The following ELAPOR2 variants were observed in gnomAD, a reference collection of about 807,000 sequenced individuals.
ELAPOR2 encodes endosome-lysosome associated apoptosis and autophagy regulator family member 2.
ELAPOR2 carries 89 observed loss-of-function variants against 120.7 expected under a neutral mutation model. The ratio of observed to expected loss-of-function variants is 0.74; its 90% CI spans 0.62 to 0.88. The LOEUF (loss-of-function observed/expected upper bound fraction) is 0.88. ELAPOR2 is among the 40% of genes least tolerant of loss of function. ELAPOR2 has a pLI of 0.00. For missense variants in ELAPOR2, 1,134 were observed against 1,251.6 expected (o/e 0.91, Z 1.42); for synonymous variants, 444 against 444.9 (o/e 1.00, Z 0.03).
chr7:86,987,277 T>C (rs1171872433), intron 1 of ELAPOR2, among the ~76,000 whole-genome samples: 1 of 152,106 alleles, frequency 6.6e-6, no homozygotes, highest in Non-Finnish European at 1.5e-5. Context: ...ATTCAGGACA[T>C]AGGCATGGGA....
In ELAPOR2 at chr7:86,998,675, C is replaced by T. The variant is rs541501898; in HGVS notation, c.190-33651G>A. ...AAATGTCTTCAGACATGTCAAATGT[C>T]TGTGGAGCATCCTCCGAGTTGAGAC... On this transcript the variant is annotated intron_variant, in intron 1 of 21. Transcript: ENST00000450689. 2.0e-5 allele frequency among the ~76,000 whole-genome samples: 3 copies of T among 152,268 alleles called. No individual in the cohort carries two copies. In the South Asian group the frequency reaches 6.2e-4, roughly 32 times the overall value.
At chr7:87,003,164 A>T (rs967005133) in intron 1 of ELAPOR2, among the ~76,000 whole-genome samples, 1 of 152,154 alleles carries the variant, frequency 6.6e-6, no homozygotes, top group Admixed American at 6.5e-5. Flanking sequence ...AAGAAATAAG[A>T]TGTTAAAATA....
At chr7:86,982,899 G>T (rs1280003960) in intron 1 of ELAPOR2, among the ~76,000 whole-genome samples, 1 of 127,396 alleles carries the variant, frequency 7.8e-6, no homozygotes, top group Non-Finnish European at 1.6e-5. Context: ...CGAGCTAAAG[G>T]AGGATTTCAA....
At chr7:87,048,746 A>G (rs1471689498) in intron 1 of ELAPOR2, among the ~76,000 whole-genome samples, 1 of 152,204 alleles carries the variant, frequency 6.6e-6, no homozygotes, top group East Asian at 1.9e-4. Flanking sequence ...TACCACATAT[A>G]TATCTACTAT....
intron 1 of ELAPOR2, among the ~76,000 whole-genome samples, chr7:86,968,105 A>C (rs1791980498): frequency 6.6e-6 from 1 of 152,196 alleles, no homozygotes; most frequent in South Asian, 2.1e-4. Context: ...GTACAGTAAA[A>C]TTGCGAAAGG....
intron 1 of ELAPOR2, among the ~76,000 whole-genome samples, chr7:87,057,500 AT>A (rs1305243776): frequency 6.6e-6 from 1 of 152,198 alleles, no homozygotes; most frequent in Non-Finnish European, 1.5e-5. Context: ...GGCAGGCTCA[AT>A]AGCGTCCTCC....
chr7:86,964,952 C>T lies in ELAPOR2; in HGVS notation c.262G>A (p.Ala88Thr). 3.2e-6 allele frequency: 5 copies of T among 1,551,540 alleles called. No individual in the cohort carries two copies. Among genetic ancestry groups the T allele is most frequent in the Non-Finnish European group, 4.4e-6 (5 of 1,146,840 alleles). Reference protein sequence around the residue: ...SRWRVAIPNSAVDCSGLPDPV... With the variant: ...SRWRVAIPNSTVDCSGLPDPV... Reference sequence around the variant, plus strand: ...TCAGGCAGGCCAGAGCAGTCCACTGCAGAATTTGGAATGGCAACTCTCCAC... The same window carrying T: ...TCAGGCAGGCCAGAGCAGTCCACTGTAGAATTTGGAATGGCAACTCTCCAC... The change falls in exon 2 of 22, where the codon GCA becomes ACA. Residue 88 changes from alanine (A) to threonine (T), a missense_variant. Coordinates refer to ENST00000450689, the MANE Select transcript of ELAPOR2 (RefSeq NM_001142749.3).
At chr7:86,939,574 G>T (rs930555863) in intron 6 of ELAPOR2, among the ~76,000 whole-genome samples, 1 of 152,084 alleles carries the variant, frequency 6.6e-6, no homozygotes, top group Non-Finnish European at 1.5e-5. Flanking sequence ...AAATTACCCG[G>T]TTGGCTCAGA....
At chr7:87,023,548 G>A (rs139316935) in intron 1 of ELAPOR2, among the ~76,000 whole-genome samples, 12,244 of 152,154 alleles carry the variant, frequency 0.08, 557 homozygotes, top group East Asian at 0.12. Context: ...GGCAATGCGG[G>A]CTCTTTTTTG....
At chr7:87,046,331 G>A (rs1794956457) in intron 1 of ELAPOR2, among the ~76,000 whole-genome samples, 1 of 152,196 alleles carries the variant, frequency 6.6e-6, no homozygotes, top group Admixed American at 6.5e-5. Flanking sequence ...AATATTCCAT[G>A]TTTATGAATT....
At chr7:86,902,994 A>C (rs1788791767) in intron 18 of ELAPOR2, among the ~76,000 whole-genome samples, 1 of 152,162 alleles carries the variant, frequency 6.6e-6, no homozygotes, top group African/African-American at 2.4e-5. Context: ...GGTTTACAAA[A>C]TTCTATCATT....
At chr7:86,883,079 C>T (rs954084457) in intron 21 of ELAPOR2, among the ~76,000 whole-genome samples, 1 of 150,202 alleles carries the variant, frequency 6.7e-6, no homozygotes. Context: ...ATGTGTCCTC[C>T]CCTAATATTC....
chr7:87,052,134 C>A (rs1795119694), intron 1 of ELAPOR2, among the ~76,000 whole-genome samples: 1 of 152,172 alleles, frequency 6.6e-6, no homozygotes, highest in Non-Finnish European at 1.5e-5. Context: ...GGATTTCAGG[C>A]AACTAAACTG....
chr7:86,926,641 A>G, intron 9 of ELAPOR2, 95 bp downstream of exon 9: 6 of 1,246,592 alleles, frequency 4.8e-6, no homozygotes, highest in Non-Finnish European at 5.5e-6. Context: ...AAATTCTGTA[A>G]CCACTTTCCA....
chr7:86,894,863 T>C lies in ELAPOR2; in HGVS notation c.2686-1763A>G, dbSNP rs193157209. On this transcript the variant is annotated intron_variant, in intron 19 of 21. Transcript: ENST00000450689. Reference sequence around the variant, plus strand: ...CAAATCTTTAGTGCTGCATGACATATAGAAGTAATGCTTAATACACACTTA... The same window carrying C: ...CAAATCTTTAGTGCTGCATGACATACAGAAGTAATGCTTAATACACACTTA... Among the ~76,000 whole-genome samples the C allele has an allele frequency of 4.6e-5, 7 of 152,188 alleles. No homozygotes were observed. The East Asian group carries it at 9.7e-4, about 21-fold the overall frequency.
At chr7:86,984,609 C>A (rs1250630758) in intron 1 of ELAPOR2, among the ~76,000 whole-genome samples, 1 of 152,140 alleles carries the variant, frequency 6.6e-6, no homozygotes, top group Non-Finnish European at 1.5e-5. Flanking sequence ...ACAATGAAGG[C>A]AGAAATAAAG....
At chr7:86,938,754 C>G in intron 7 of ELAPOR2, 54 bp downstream of exon 7, 1 of 1,579,196 alleles carries the variant, frequency 6.3e-7, no homozygotes, top group Non-Finnish European at 8.7e-7. Context: ...TATAAATGTA[C>G]ACTTGACCAA....
At chr7:86,944,422 C>T (rs1248898740) in intron 4 of ELAPOR2, among the ~76,000 whole-genome samples, 1 of 151,786 alleles carries the variant, frequency 6.6e-6, no homozygotes. Flanking sequence ...GCCACTTCTA[C>T]TTCTGAAAAA....
intron 1 of ELAPOR2, among the ~76,000 whole-genome samples, chr7:87,005,846 G>A (rs1052266552): frequency 2.0e-5 from 3 of 152,082 alleles, no homozygotes; most frequent in Non-Finnish European, 4.4e-5. Flanking sequence ...CTATCTTCAT[G>A]ATCAAGAGTA....
Sources: gnomAD v4.1 joint callset for allele counts (sites outside exome capture counted in the v4.1 genomes callset) on GRCh38, gnomAD v4.1.1 for gene constraint, MANE v1.5 for transcripts, NCBI Gene and HGNC (gene_info 2026-07-23, HGNC 2026-07-21) for gene names.